The following SLC25A24 variants were observed in gnomAD, a reference collection of about 807,000 sequenced individuals.
SLC25A24 encodes the protein mitochondrial adenyl nucleotide antiporter SLC25A24.
Under a neutral mutation model 60.7 loss-of-function variants are expected in SLC25A24, and 49 were observed. The observed-to-expected ratio is 0.81, with a 90% CI of 0.64 to 1.02. The LOEUF is 1.02. SLC25A24 is among the 50% of genes least tolerant of loss of function. The pLI is 0.00. For missense variants in SLC25A24, 564 were observed against 586.3 expected (o/e 0.96, Z 0.39); for synonymous variants, 202 against 200.6 (o/e 1.01, Z -0.06).
intron 8 of SLC25A24, among the ~76,000 whole-genome samples, chr1:108,141,183 A>T (rs1353705328): frequency 1.3e-5 from 2 of 152,242 alleles, no homozygotes; most frequent in East Asian, 3.8e-4. Flanking sequence ...ACAAACTGTC[A>T]CAAGAGACAA....
intron 4 of SLC25A24, among the ~76,000 whole-genome samples, chr1:108,158,215 T>C (rs1679956936): frequency 6.6e-6 from 1 of 152,208 alleles, no homozygotes; most frequent in East Asian, 1.9e-4. Context: ...ATATAAAATT[T>C]AGCTAATGGA....
chr1:108,168,787 A>G (rs1429690674), intron 3 of SLC25A24, among the ~76,000 whole-genome samples: 14 of 151,934 alleles, frequency 9.2e-5, no homozygotes, highest in Admixed American at 9.2e-4. Context: ...TTGTCTTTCC[A>G]CTCTATGCTG....
intron 3 of SLC25A24, among the ~76,000 whole-genome samples, chr1:108,181,676 T>C (rs1165858638): frequency 6.6e-6 from 1 of 152,182 alleles, no homozygotes. Context: ...CAGCTCCTCA[T>C]CTATGGAGTT....
intron 1 of SLC25A24, chr1:108,199,580 T>G: frequency 2.7e-6 from 1 of 366,882 alleles, no homozygotes; most frequent in East Asian, 4.3e-5. Context: ...TATACAAAAC[T>G]TGGGACCCAC....
At chr1:108,174,243 C>T (rs1039743188) in intron 3 of SLC25A24, among the ~76,000 whole-genome samples, 4 of 152,172 alleles carry the variant, frequency 2.6e-5, no homozygotes, top group Non-Finnish European at 4.4e-5. Flanking sequence ...CAGGGCCTTG[C>T]TGCTTTGTGC....
In SLC25A24 at chr1:108,157,531, T is replaced by C; in HGVS notation, c.600A>G (p.Ala200=). ...KSGQWWRQLL[A]GGIAGAVSRT... ...GAGAGACAGCACCAGCAATGCCTCC[T>C]GCCAAAAGCTGCCTCCACCATTGTC... Residue 200 remains alanine, a synonymous_variant, in exon 5 of 10, where the codon GCA becomes GCG. Transcript: ENST00000565488. The C allele has an allele frequency of 1.2e-6, 2 of 1,614,198 alleles. No homozygotes were observed. Among genetic ancestry groups the C allele is most frequent in the Non-Finnish European group, 1.7e-6 (2 of 1,180,034 alleles).
At chr1:108,152,889 T>C (rs1288596785) in intron 6 of SLC25A24, among the ~76,000 whole-genome samples, 1 of 152,176 alleles carries the variant, frequency 6.6e-6, no homozygotes, top group Non-Finnish European at 1.5e-5. Flanking sequence ...CCAGAGGAAC[T>C]AACTCCTGAG....
chr1:108,161,710 T>A (rs1003925956), intron 3 of SLC25A24, among the ~76,000 whole-genome samples: 1 of 152,158 alleles, frequency 6.6e-6, no homozygotes, highest in Non-Finnish European at 1.5e-5. Context: ...TGAAATATAC[T>A]CAAAACATGC....
At position 108,182,032 on chromosome 1, in the gene SLC25A24, TA is replaced by T. The variant is rs779902934; in HGVS notation, c.311-5del. 7 of 1,580,108 alleles carry T rather than the reference TA, an allele frequency of 4.4e-6. No individual in the cohort carries two copies. The highest frequency in any genetic ancestry group is 1.7e-4 in the Middle Eastern group (1 of 5,984). On this transcript the variant is annotated splice_region_variant and splice_polypyrimidine_tract_variant and intron_variant, in intron 2 of 9. Transcript: ENST00000565488. ...ATTTCTGAAGCCTCAATTTTTCCTT[TA>T]AAAAAATAAAAAGGGCAAAAAATAA...
chr1:108,157,571 T>C lies in SLC25A24; in HGVS notation c.560A>G (p.Asp187Gly). 3.1e-6 allele frequency: 5 copies of C among 1,614,134 alleles called. No individual in the cohort carries two copies. The highest frequency in any genetic ancestry group is 1.1e-5 in the South Asian group (1 of 91,072). ...SLTIPDEFTE[D>G]EKKSGQWWRQ... is the part of the protein sequence containing the mutation. ...CCACCATTGTCCGGATTTTTTTTCG[T>C]CTTCCGTGAATTCATCTGGAATAGT... The change falls in exon 5 of 10, where the codon GAC becomes GGC. Residue 187 changes from aspartate to glycine, a missense_variant. Transcript: ENST00000565488.
chr1:108,180,616 A>ATCTC (rs3043349), intron 3 of SLC25A24, among the ~76,000 whole-genome samples: 2,193 of 61,386 alleles, frequency 0.036, 34 homozygotes, highest in Non-Finnish European at 0.052. Flanking sequence ...CAAGAGAAAG[A>ATCTC]TCTCTCTCTC....
Position 108,185,835 on chromosome 1 carries a change from A to AT in SLC25A24, c.302dup (p.Asn101LysfsTer2). On this transcript the variant is annotated frameshift_variant, in exon 2 of 10. Coordinates refer to ENST00000565488, the MANE Select transcript of SLC25A24 (RefSeq NM_013386.5). LOFTEE classifies it high-confidence loss of function. ...TACAAAAGAAAGACACACCATCATT[A>AT]TTTTTGTCTAAACTCTTAAATGCCA... The AT allele has an allele frequency of 6.3e-7, 1 of 1,585,306 alleles. No homozygotes were observed. Among genetic ancestry groups the AT allele is most frequent in the Non-Finnish European group, 8.6e-7 (1 of 1,160,514 alleles).
At chr1:108,180,207 T>TA (rs71573044) in intron 3 of SLC25A24, among the ~76,000 whole-genome samples, 30,135 of 149,826 alleles carry the variant, frequency 0.2, 3,110 homozygotes, top group Admixed American at 0.22. Context: ...CTAGTAAAAA[T>TA]AAAAAAAAAT....
intron 1 of SLC25A24, among the ~76,000 whole-genome samples, chr1:108,187,260 A>G (rs1327002186): frequency 4.6e-5 from 7 of 152,144 alleles, no homozygotes; most frequent in Admixed American, 1.3e-4. Flanking sequence ...AAGACTGGAA[A>G]TCGGTGACCC....
Position 108,135,072 on chromosome 1 carries a change from T to G in SLC25A24, c.*1581A>C. Reference sequence around the variant, plus strand: ...TAGCAAAATTATTCATTTCCATAATTTTTACGAGTAAAAATAGAAAGAGCT... The same window carrying G: ...TAGCAAAATTATTCATTTCCATAATGTTTACGAGTAAAAATAGAAAGAGCT... On this transcript the variant is annotated 3_prime_UTR_variant, in exon 10 of 10. Coordinates refer to ENST00000565488, the MANE Select transcript of SLC25A24 (RefSeq NM_013386.5). 1 of 152,366 alleles carries G rather than the reference T, an allele frequency of 6.6e-6. No individual in the cohort carries two copies. Among genetic ancestry groups the G allele is most frequent in the South Asian group, 2.1e-4 (1 of 4,828 alleles). 9.4% of individuals were successfully genotyped at this position (152,366 alleles called of 1,614,324 possible).
chr1:108,136,823 A>G lies in SLC25A24; in HGVS notation c.1264T>C (p.Ser422Pro). ...RMQAQAMLEGSPQLNMVGLFR... is the reference protein window; with the variant it reads ...RMQAQAMLEGPPQLNMVGLFR... ...AGGCCAACCATATTCAGCTGTGGGG[A>G]ACCTTCTAACATGGCTAAAAAATAA... The change falls in exon 10 of 10, where the codon TCC becomes CCC. Residue 422 changes from serine to proline, a missense_variant. Transcript: ENST00000565488. The G allele has an allele frequency of 1.2e-6, 2 of 1,613,946 alleles. No individual in the cohort carries two copies. The highest frequency in any genetic ancestry group is 1.7e-6 in the Non-Finnish European group (2 of 1,179,888).
At chr1:108,137,740 C>G (rs777427357) in intron 9 of SLC25A24, among the ~76,000 whole-genome samples, 13 of 152,160 alleles carry the variant, frequency 8.5e-5, no homozygotes, top group Non-Finnish European at 1.9e-4. Context: ...GAATTTCAGT[C>G]CCACTATTTA....
intron 1 of SLC25A24, among the ~76,000 whole-genome samples, chr1:108,186,641 T>C (rs923456295): frequency 2.6e-5 from 4 of 152,138 alleles, no homozygotes; most frequent in Non-Finnish European, 4.4e-5. Flanking sequence ...GGATGATCCA[T>C]ATAAAAAGCT....
At chr1:108,137,230 G>A (rs1377820599) in intron 9 of SLC25A24, among the ~76,000 whole-genome samples, 2 of 152,104 alleles carry the variant, frequency 1.3e-5, no homozygotes, top group African/African-American at 4.8e-5. Context: ...TCTAAAGCTG[G>A]TACACTTTCC....
Sources: allele counts gnomAD v4.1 joint callset (sites outside exome capture counted in the v4.1 genomes callset), GRCh38; gene constraint gnomAD v4.1.1; transcripts MANE v1.5; gene names NCBI Gene and HGNC (gene_info 2026-07-23, HGNC 2026-07-21).